Variants in KPNA2 observed in about 807,000 individuals in gnomAD.
The protein encoded by KPNA2 is importin subunit alpha-1.
In KPNA2, 20 loss-of-function variants were observed where a neutral mutation model predicts 53.7. The ratio of observed to expected loss-of-function variants is 0.37; its 90% confidence interval spans 0.26 to 0.54. The LOEUF is 0.54. Among genes scored for constraint, KPNA2 ranks in the 20% least tolerant of loss-of-function variants. The pLI, the probability that KPNA2 is intolerant of heterozygous loss-of-function variation, is 0.83. For synonymous variants in KPNA2, 238 were observed against 227.5 expected (o/e 1.05, Z -0.42); for missense variants, 515 against 640.3 (o/e 0.80, Z 2.11).
rs782501342 is a variant in KPNA2, at chr17:68,037,340, A to G, written c.76-18A>G. Reference sequence around the variant, plus strand: ...AAACTGGTGTGATAGGTGAAACGGCATGTTATCTTTTCTCAAGGAAATGAG... The same window carrying G: ...AAACTGGTGTGATAGGTGAAACGGCGTGTTATCTTTTCTCAAGGAAATGAG... On this transcript the variant is annotated intron_variant, in intron 2 of 10. Transcript: ENST00000330459. The G allele has an allele frequency of 3.7e-5, 60 of 1,608,552 alleles. No individual in the cohort carries two copies. In the East Asian group the frequency reaches 1.3e-3, roughly 36 times the overall value.
Position 68,045,914 on chromosome 17 carries a change from C to A in KPNA2, c.1490C>A (p.Ser497Tyr). ...TTAAGCTTAATTGAGAAGTATTTCT[C>A]TGTAGAGGTGAGTAATGGATGGTAA... ...ASLSLIEKYF[S>Y]VEEEEDQNVV... The change falls in exon 10 of 11, where the codon TCT becomes TAT. Residue 497 changes from serine to tyrosine, a missense_variant. Transcript: ENST00000330459. The A allele has an allele frequency of 6.3e-7, 1 of 1,576,046 alleles. No homozygotes were observed. Among genetic ancestry groups the A allele is most frequent in the Non-Finnish European group, 8.6e-7 (1 of 1,160,120 alleles).
chr17:68,038,430 T>C (rs903276740), intron 3 of KPNA2, among the ~76,000 whole-genome samples: 9 of 152,198 alleles, frequency 5.9e-5, no homozygotes, highest in African/African-American at 1.9e-4. Flanking sequence ...TTCTGCCTTT[T>C]TTGGTATTCT....
chr17:68,046,635 T>G lies in KPNA2; in HGVS notation c.*39T>G, dbSNP rs368012017. 1.1e-5 allele frequency: 14 copies of G among 1,271,010 alleles called. No homozygotes were observed. The Admixed American group carries it at 2.0e-4, about 19-fold the overall frequency. 78.7% of individuals were successfully genotyped at this position (1,271,010 alleles called of 1,614,324 possible). Reference sequence around the variant, plus strand: ...GACATAAATTTGTTGTGTACTACGTTTGGTATTTTGTCTTATTGTTTCTCT... The same window carrying G: ...GACATAAATTTGTTGTGTACTACGTGTGGTATTTTGTCTTATTGTTTCTCT... On this transcript the variant is annotated 3_prime_UTR_variant, in exon 11 of 11. Transcript: ENST00000330459.
At chr17:68,041,911 A>G (rs192417682) in intron 4 of KPNA2, among the ~76,000 whole-genome samples, 174 bp from the exon 5 acceptor site, 58 of 152,340 alleles carry the variant, frequency 3.8e-4, no homozygotes, top group African/African-American at 1.4e-3. Flanking sequence ...ACATAGCACC[A>G]TACAAGTAAT....
chr17:68,043,673 T>A (rs2071291126), intron 7 of KPNA2, among the ~76,000 whole-genome samples, 165 bp from the exon 8 acceptor site: 1 of 78,680 alleles, frequency 1.3e-5, no homozygotes, highest in Non-Finnish European at 2.5e-5. Context: ...GCCATTATAC[T>A]CCAGTCTCTC....
chr17:68,041,208 G>A (rs558192979), intron 4 of KPNA2, among the ~76,000 whole-genome samples: 1 of 152,282 alleles, frequency 6.6e-6, no homozygotes, highest in South Asian at 2.1e-4. Context: ...ATAATAGAAA[G>A]GATTAATAAG....
chr17:68,045,730 C>A (rs782388778), intron 9 of KPNA2, 42 bp from the exon 10 acceptor site: 3 of 1,406,990 alleles, frequency 2.1e-6, no homozygotes, highest in Non-Finnish European at 2.8e-6. Flanking sequence ...TAAAATAAAA[C>A]CAGAGTATAT....
Position 68,040,688 on chromosome 17 carries a change from A to G in KPNA2, c.224A>G (p.Asn75Ser). Residue 75 changes from asparagine to serine, a missense_variant, in exon 4 of 11, where the codon AAT (asparagine) becomes AGT (serine). Coordinates refer to ENST00000330459, the MANE Select transcript of KPNA2 (RefSeq NM_002266.4). ...QENRNNQGTVNWSVDDIVKGI... is the reference protein window; with the variant it reads ...QENRNNQGTVSWSVDDIVKGI... ...TCACTTTTCTTCTAGGGCACTGTAA[A>G]TTGGTCTGTTGATGACATTGTCAAA... 6 of 1,610,700 alleles carry G rather than the reference A, an allele frequency of 3.7e-6. No individual in the cohort carries two copies. The highest frequency in any genetic ancestry group is 5.1e-6 in the Non-Finnish European group (6 of 1,177,320).
intron 7 of KPNA2, 79 bp downstream of exon 7, chr17:68,043,442 CTG>C (rs2071288003): frequency 7.1e-7 from 1 of 1,402,010 alleles, no homozygotes; most frequent in South Asian, 1.3e-5. Flanking sequence ...TGGCTCACAC[CTG>C]TGTAATCCCA....
intron 4 of KPNA2, 72 bp downstream of exon 4, chr17:68,040,838 G>GC: frequency 3.5e-6 from 3 of 848,188 alleles, no homozygotes; most frequent in Non-Finnish European, 6.0e-6. Flanking sequence ...GGGGGGTGGG[G>GC]CAGGAAGGGA....
chr17:68,045,901 G>A lies in KPNA2; in HGVS notation c.1477G>A (p.Glu493Lys). The A allele has an allele frequency of 6.3e-7, 1 of 1,591,702 alleles. No individual in the cohort carries two copies. Among genetic ancestry groups the A allele is most frequent in the Non-Finnish European group, 8.6e-7 (1 of 1,169,196 alleles). Residue 493 changes from glutamate to lysine, a missense_variant, in exon 10 of 11, where the codon GAG (glutamate) becomes AAG (lysine). Glu to Lys is a moderately conservative substitution (Grantham distance 56). Transcript: ENST00000330459. ...SVYKASLSLIEKYFSVEEEED... is the reference protein window; with the variant it reads ...SVYKASLSLIKKYFSVEEEED... ...GTATAAGGCTTCGTTAAGCTTAATTGAGAAGTATTTCTCTGTAGAGGTGAG... is the reference window on the plus strand; with the variant it reads ...GTATAAGGCTTCGTTAAGCTTAATTAAGAAGTATTTCTCTGTAGAGGTGAG...
Position 68,043,265 on chromosome 17 carries a change from C to T in KPNA2, c.832C>T (p.Leu278Phe), listed in dbSNP as rs1555704909. ...AGATACCTGCTGGGCTATTTCCTACCTTACTGATGGTCCAAATGAACGAAT... is the reference window on the plus strand; with the variant it reads ...AGATACCTGCTGGGCTATTTCCTACTTTACTGATGGTCCAAATGAACGAAT... ...LADTCWAISY[L>F]TDGPNERIGM... The change falls in exon 7 of 11, where the codon CTT becomes TTT. Residue 278 changes from leucine (L) to phenylalanine (F), a missense_variant. Leu to Phe is a conservative substitution (Grantham distance 22). Transcript: ENST00000330459. The T allele has an allele frequency of 2.5e-6, 4 of 1,614,018 alleles. No homozygotes were observed. The highest frequency in any genetic ancestry group is 3.4e-6 in the Non-Finnish European group (4 of 1,179,994).
At position 68,042,150 on chromosome 17, in the gene KPNA2, A is replaced by G. The variant is rs781793354; in HGVS notation, c.368A>G (p.Lys123Arg). ...ATAATCCGGGCTGGTTTGATTCCGA[A>G]ATTTGTGTCCTTCTTGGGCAGAACT... ...DNIIRAGLIP[K>R]FVSFLGRTDC... is the part of the protein sequence containing the mutation. Residue 123 changes from lysine to arginine, a missense_variant, in exon 5 of 11, where the codon AAA becomes AGA. Lys to Arg is a conservative substitution (Grantham distance 26). Transcript: ENST00000330459. 11 of 1,613,974 alleles carry G rather than the reference A, an allele frequency of 6.8e-6. No homozygotes were observed. The highest frequency in any genetic ancestry group is 9.3e-6 in the Non-Finnish European group (11 of 1,179,856).
Position 68,042,178 on chromosome 17 carries a change from T to C in KPNA2, c.396T>C (p.Asp132=), listed in dbSNP as rs782373931. The C allele has an allele frequency of 9.9e-6, 16 of 1,613,822 alleles. No homozygotes were observed. In the Middle Eastern group the frequency reaches 4.9e-4, roughly 50 times the overall value. The part of the protein sequence containing the change: ...PKFVSFLGRT[D]CSPIQFESAW... ...TTGTGTCCTTCTTGGGCAGAACTGA[T>C]TGTAGTCCCATTCAGTTTGAATCTG... Residue 132 remains aspartate, a synonymous_variant, in exon 5 of 11, where the codon GAT becomes GAC. Coordinates refer to ENST00000330459, the MANE Select transcript of KPNA2 (RefSeq NM_002266.4).
chr17:68,043,016 A>G lies in KPNA2; in HGVS notation c.666+17A>G, dbSNP rs1171664375. 1.2e-6 allele frequency: 2 copies of G among 1,611,024 alleles called. No individual in the cohort carries two copies. Among genetic ancestry groups the G allele is most frequent in the East Asian group, 4.5e-5 (2 of 44,870 alleles). The stretch of plus-strand genomic sequence containing the variant: ...TCTTTAGCAGTAAGTTACTAACATG[A>G]GTAAAGTTACTCACTTCTTCATTCT... On this transcript the variant is annotated intron_variant, in intron 6 of 10. Transcript: ENST00000330459.
Position 68,046,737 on chromosome 17 carries a change from T to G in KPNA2, c.*141T>G. 1.7e-6 allele frequency: 1 copy of G among 604,810 alleles called. No homozygotes were observed. Among genetic ancestry groups the G allele is most frequent in the South Asian group, 2.1e-5 (1 of 46,758 alleles). 37.5% of individuals were successfully genotyped at this position (604,810 alleles called of 1,614,324 possible). ...GAAACTATACTTGAACAGTTCCAAC[T>G]GTACATACATACTGTATGAAGCTTG... On this transcript the variant is annotated 3_prime_UTR_variant, in exon 11 of 11. Transcript: ENST00000330459.
At chr17:68,037,608 T>C in intron 3 of KPNA2, 113 bp downstream of exon 3, 3 of 1,010,244 alleles carry the variant, frequency 3.0e-6, no homozygotes, top group Non-Finnish European at 3.0e-6. Flanking sequence ...TTTAACTATC[T>C]GTGAACATCT....
intron 9 of KPNA2, among the ~76,000 whole-genome samples, chr17:68,045,137 G>C (rs1204163616): frequency 6.6e-6 from 1 of 150,932 alleles, no homozygotes; most frequent in Admixed American, 6.6e-5. Flanking sequence ...GGATGCTAGC[G>C]TATCTGTTAC....
rs782492558 is a variant in KPNA2, at chr17:68,045,888, G to C, written c.1464G>C (p.Ser488=). The change falls in exon 10 of 11, where the codon TCG becomes TCC. Residue 488 remains serine (S), a synonymous_variant. Coordinates refer to ENST00000330459, the MANE Select transcript of KPNA2 (RefSeq NM_002266.4). ...AAAATGAGTCTGTGTATAAGGCTTC[G>C]TTAAGCTTAATTGAGAAGTATTTCT... is the stretch of plus-strand genomic sequence containing the variant. ...NHENESVYKA[S]LSLIEKYFSV... is the part of the protein sequence containing the mutation. 7.5e-6 allele frequency: 12 copies of C among 1,595,178 alleles called. No individual in the cohort carries two copies. Among genetic ancestry groups the C allele is most frequent in the Middle Eastern group, 3.4e-4 (2 of 5,964 alleles).
Sources: allele counts gnomAD v4.1 joint callset (sites outside exome capture counted in the v4.1 genomes callset), GRCh38; gene constraint gnomAD v4.1.1; transcripts MANE v1.5; gene names NCBI Gene and HGNC (gene_info 2026-07-23, HGNC 2026-07-21).